FAM53B: variants seen among roughly 807,000 people sequenced by gnomAD.
FAM53B encodes family with sequence similarity 53 member B.
A neutral mutation model predicts 32.7 loss-of-function variants in FAM53B; 12 were observed. That is an observed-to-expected ratio of 0.37 (90% CI 0.24 to 0.59). The LOEUF (loss-of-function observed/expected upper bound fraction) is 0.59, where lower values mean the gene tolerates loss of function less well. Among genes scored for constraint, FAM53B ranks in the 20% least tolerant of loss-of-function variants. The pLI, the probability that FAM53B is intolerant of heterozygous loss-of-function variation, is 0.72. For missense variants in FAM53B, 477 were observed against 577.7 expected (o/e 0.83, Z 1.79); for synonymous variants, 234 against 228.7 (o/e 1.02, Z -0.21).
intron 1 of FAM53B, chr10:124,713,439 A>G (rs1261380376): frequency 6.6e-6 from 1 of 152,234 alleles, no homozygotes; most frequent in Non-Finnish European, 1.5e-5. Flanking sequence ...TACAGTCTTC[A>G]ATGTGTCTTC....
intron 2 of FAM53B, chr10:124,705,429 A>G (rs1949948650): frequency 6.6e-6 from 1 of 152,342 alleles, no homozygotes; most frequent in South Asian, 2.1e-4. Flanking sequence ...CTTCAAGGCC[A>G]AATCAAGTAT....
At chr10:124,707,567 A>G (rs1191697326) in intron 1 of FAM53B, among the ~76,000 whole-genome samples, 1 of 152,150 alleles carries the variant, frequency 6.6e-6, no homozygotes. Flanking sequence ...GTGAAACCCC[A>G]TCTCTACTAA....
chr10:124,737,384 T>TG (rs149523570), intron 1 of FAM53B, among the ~76,000 whole-genome samples: 2 of 151,798 alleles, frequency 1.3e-5, no homozygotes, highest in South Asian at 4.2e-4. Flanking sequence ...CCATTGGGAC[T>TG]GGGGGGTGGG....
chr10:124,627,836 G>A (rs1352351540), intron 4 of FAM53B, among the ~76,000 whole-genome samples: 1 of 152,166 alleles, frequency 6.6e-6, no homozygotes, highest in Non-Finnish European at 1.5e-5. Flanking sequence ...TTCCCAGCTT[G>A]GAGCAATGAC....
intron 3 of FAM53B, among the ~76,000 whole-genome samples, chr10:124,688,990 A>T (rs1949817690): frequency 6.6e-6 from 1 of 152,244 alleles, no homozygotes; most frequent in Admixed American, 6.5e-5. Flanking sequence ...AAGCACCTCA[A>T]GTACAGACCA....
At chr10:124,727,950 T>C (rs952030478) in intron 1 of FAM53B, among the ~76,000 whole-genome samples, 1 of 152,188 alleles carries the variant, frequency 6.6e-6, no homozygotes, top group Admixed American at 6.5e-5. Context: ...TAAAGCATCA[T>C]ATGAGACAAA....
intron 4 of FAM53B, among the ~76,000 whole-genome samples, chr10:124,634,912 G>A (rs1949417923): frequency 6.6e-6 from 1 of 152,148 alleles, no homozygotes; most frequent in Admixed American, 6.5e-5. Flanking sequence ...CACCTTAAAT[G>A]GGTGAACTGT....
intron 1 of FAM53B, among the ~76,000 whole-genome samples, chr10:124,739,966 C>A (rs1387052091): frequency 1.7e-4 from 26 of 151,110 alleles, no homozygotes; most frequent in African/African-American, 3.9e-4. Context: ...AACAAACAAA[C>A]AAAAAAAACG....
At position 124,667,037 on chromosome 10, in the gene FAM53B, C is replaced by T. The variant is rs150311569; in HGVS notation, c.906+14570G>A. On this transcript the variant is annotated intron_variant, in intron 4 of 4. Coordinates refer to ENST00000337318, the MANE Select transcript of FAM53B (RefSeq NM_014661.4). ...TGGGAACCAAGGCTGACCCCCAACC[C>T]CCCCACACTCTTATACCCGTACCCC... Among the ~76,000 whole-genome samples the T allele has an allele frequency of 2.3e-4, 35 of 152,280 alleles. No individual in the cohort carries two copies. In the East Asian group the frequency reaches 6.8e-3, roughly 29 times the overall value.
At chr10:124,664,986 G>C (rs1024830904) in intron 4 of FAM53B, among the ~76,000 whole-genome samples, 5 of 152,176 alleles carry the variant, frequency 3.3e-5, no homozygotes, top group African/African-American at 4.8e-5. Flanking sequence ...CTTTTTCCCT[G>C]ATGAACTTTC....
intron 2 of FAM53B, among the ~76,000 whole-genome samples, chr10:124,700,421 T>C (rs540470494): frequency 1.8e-4 from 27 of 152,212 alleles, no homozygotes; most frequent in East Asian, 5.8e-4. Context: ...AGACACTCAG[T>C]GTCTGCACTC....
At chr10:124,734,399 G>A (rs1445477284) in intron 1 of FAM53B, among the ~76,000 whole-genome samples, 2 of 152,146 alleles carry the variant, frequency 1.3e-5, no homozygotes, top group African/African-American at 4.8e-5. Flanking sequence ...CTCATCACAG[G>A]AACAGTGACA....
At chr10:124,662,563 C>T (rs1949640712) in intron 4 of FAM53B, among the ~76,000 whole-genome samples, 1 of 150,794 alleles carries the variant, frequency 6.6e-6, no homozygotes, top group South Asian at 2.1e-4. Flanking sequence ...CATCTGTAAT[C>T]CCAGTGCTTT....
chr10:124,700,258 T>A (rs1156890655), intron 2 of FAM53B, among the ~76,000 whole-genome samples: 4 of 152,234 alleles, frequency 2.6e-5, no homozygotes, highest in Non-Finnish European at 5.9e-5. Flanking sequence ...CTTCCCAGTA[T>A]ATGCTAACAT....
chr10:124,702,658 T>C (rs1391549937), intron 2 of FAM53B, among the ~76,000 whole-genome samples: 4 of 151,822 alleles, frequency 2.6e-5, no homozygotes, highest in African/African-American at 7.3e-5. Context: ...TATAATGGGG[T>C]AGAAATGGGT....
At chr10:124,640,497 C>G (rs1159754035) in intron 4 of FAM53B, among the ~76,000 whole-genome samples, 1 of 152,184 alleles carries the variant, frequency 6.6e-6, no homozygotes, top group African/African-American at 2.4e-5. Flanking sequence ...AAAACCAACC[C>G]AAAGGTGGAG....
chr10:124,640,700 G>T (rs1255908557), intron 4 of FAM53B, among the ~76,000 whole-genome samples: 1 of 152,200 alleles, frequency 6.6e-6, no homozygotes, highest in East Asian at 1.9e-4. Context: ...CCTCAACCTT[G>T]GGAGGGGGCG....
rs574409188 is a variant in FAM53B at position 124,706,565 on chromosome 10, G to A, written c.78+71C>T. 5 of 1,596,834 alleles carry A rather than the reference G, an allele frequency of 3.1e-6. No individual in the cohort carries two copies. In the East Asian group the frequency reaches 1.1e-4, roughly 36 times the overall value. On this transcript the variant is annotated intron_variant, in intron 2 of 4. Transcript: ENST00000337318. ...TCGATTTGCTAAGCTTAGGTGCTCA[G>A]TCCACAGCCCTGTCTGTACATCAGG...
At chr10:124,740,819 G>T (rs1288406400) in intron 1 of FAM53B, among the ~76,000 whole-genome samples, 1 of 152,220 alleles carries the variant, frequency 6.6e-6, no homozygotes, top group Non-Finnish European at 1.5e-5. Context: ...ACCCTGTTTT[G>T]TGGCGTGGAG....
Sources: gnomAD v4.1 joint callset for allele counts (sites outside exome capture counted in the v4.1 genomes callset) on GRCh38, gnomAD v4.1.1 for gene constraint, MANE v1.5 for transcripts, NCBI Gene and HGNC (gene_info 2026-07-23, HGNC 2026-07-21) for gene names.